The following RALGAPA2 variants were observed in gnomAD, a reference collection of about 807,000 sequenced individuals.
RALGAPA2 encodes the protein Ral GTPase activating protein catalytic subunit alpha 2.
Under a neutral mutation model 230.4 loss-of-function variants are expected in RALGAPA2, and 139 were observed. The ratio of observed to expected loss-of-function variants is 0.60; its 90% CI spans 0.53 to 0.69. RALGAPA2 has a LOEUF of 0.69. Among genes scored for constraint, RALGAPA2 ranks in the 30% least tolerant of loss-of-function variants. The pLI is 0.00. For synonymous variants in RALGAPA2, 847 were observed against 837.8 expected, an observed-to-expected ratio of 1.01 and a Z score of -0.19; for missense variants, 2,163 against 2,276.0, an observed-to-expected ratio of 0.95 and a Z score of 1.01.
chr20:20,436,578 C>A (rs1253236094), intron 37 of RALGAPA2, among the ~76,000 whole-genome samples: 1 of 152,198 alleles, frequency 6.6e-6, no homozygotes, highest in Non-Finnish European at 1.5e-5. Context: ...GGCCAGGACA[C>A]AAAGGCATAG....
chr20:20,647,506 A>G (rs1425640466), intron 4 of RALGAPA2, among the ~76,000 whole-genome samples: 1 of 152,258 alleles, frequency 6.6e-6, no homozygotes, highest in East Asian at 1.9e-4. Context: ...CCTAAACTAT[A>G]GAACTGCTAT....
At chr20:20,512,198 A>C (rs1411166916) in intron 32 of RALGAPA2, among the ~76,000 whole-genome samples, 3 of 150,844 alleles carry the variant, frequency 2.0e-5, no homozygotes, top group Admixed American at 6.6e-5. Context: ...AAAAAACAAA[A>C]AACAAACAAC....
intron 28 of RALGAPA2, among the ~76,000 whole-genome samples, chr20:20,525,472 A>G (rs1241996288): frequency 1.3e-5 from 2 of 152,254 alleles, no homozygotes; most frequent in African/African-American, 4.8e-5. Context: ...CTGAGAGAAC[A>G]AAGTGTTCTT....
At position 20,599,759 on chromosome 20, in the gene RALGAPA2, G is replaced by T. The variant is rs1360320727; in HGVS notation, c.2203+1923C>A. On this transcript the variant is annotated intron_variant, in intron 16 of 39. Transcript: ENST00000202677. Reference sequence around the variant, plus strand: ...AGGCCAAGACAGGCAAATCACCTGAGATCAGGAGTTCAAGACCAGCCTGAC... The same window carrying T: ...AGGCCAAGACAGGCAAATCACCTGATATCAGGAGTTCAAGACCAGCCTGAC... 4.6e-5 allele frequency among the ~76,000 whole-genome samples: 7 copies of T among 152,110 alleles called. No homozygotes were observed. The East Asian group carries it at 1.3e-3, about 29-fold the overall frequency.
At chr20:20,427,147 C>T (rs894426662) in intron 37 of RALGAPA2, among the ~76,000 whole-genome samples, 1 of 152,172 alleles carries the variant, frequency 6.6e-6, no homozygotes, top group African/African-American at 2.4e-5. Flanking sequence ...GACCCAGTTC[C>T]ATCTACTCAC....
At chr20:20,675,563 A>T (rs1327495876) in intron 3 of RALGAPA2, among the ~76,000 whole-genome samples, 1 of 152,212 alleles carries the variant, frequency 6.6e-6, no homozygotes, top group African/African-American at 2.4e-5. Context: ...CCTATAATTC[A>T]GTTCTGAGTG....
chr20:20,427,004 G>A (rs914793940), intron 37 of RALGAPA2, among the ~76,000 whole-genome samples: 6 of 152,194 alleles, frequency 3.9e-5, no homozygotes, highest in African/African-American at 1.4e-4. Flanking sequence ...GTGAGGAAAA[G>A]TGTTCTGTTC....
chr20:20,610,034 T>C (rs1053214084), intron 14 of RALGAPA2, among the ~76,000 whole-genome samples: 2 of 152,236 alleles, frequency 1.3e-5, no homozygotes, highest in African/African-American at 2.4e-5. Context: ...TGTGTTACAA[T>C]GGCAATATTT....
intron 34 of RALGAPA2, chr20:20,505,072 C>T (rs2062492412): frequency 1.0e-6 from 1 of 985,364 alleles, no homozygotes; most frequent in African/African-American, 1.7e-5. Context: ...ACTTCTTCTT[C>T]AATCTCCATA....
rs145876128 is a variant in RALGAPA2 at position 20,413,679 on chromosome 20, G to A, written c.5496-1531C>T. On this transcript the variant is annotated intron_variant, in intron 37 of 39. Coordinates refer to ENST00000202677, the MANE Select transcript of RALGAPA2 (RefSeq NM_020343.4). The stretch of plus-strand genomic sequence containing the variant: ...ACCGTGGAAAGCACTACTGGACAGC[G>A]TGCTGCCAGAATTTCTCCGTAAGTT... Among the ~76,000 whole-genome samples the A allele has an allele frequency of 8.4e-3, 1,272 of 152,312 alleles. 12 individuals carry two copies. The highest frequency in any genetic ancestry group is 0.028 in the African/African-American group (1,180 of 41,546).
intron 27 of RALGAPA2, among the ~76,000 whole-genome samples, chr20:20,529,339 A>G (rs2063310136): frequency 6.6e-6 from 1 of 152,176 alleles, no homozygotes; most frequent in Admixed American, 6.5e-5. Flanking sequence ...GGACAGAGTG[A>G]GAGCTCAATA....
intron 37 of RALGAPA2, among the ~76,000 whole-genome samples, chr20:20,454,516 T>A (rs954981900): frequency 1.3e-5 from 2 of 152,218 alleles, no homozygotes; most frequent in African/African-American, 4.8e-5. Context: ...TAACTTTACG[T>A]TGTATCCTGA....
At chr20:20,489,196 G>A (rs1320601593) in intron 36 of RALGAPA2, among the ~76,000 whole-genome samples, 1 of 152,232 alleles carries the variant, frequency 6.6e-6, no homozygotes. Flanking sequence ...CTACAGCACA[G>A]AGGAAGCAGT....
chr20:20,516,459 T>G (rs1209992210), intron 31 of RALGAPA2, among the ~76,000 whole-genome samples: 4 of 152,202 alleles, frequency 2.6e-5, no homozygotes, highest in African/African-American at 9.7e-5. Context: ...GGAATAACAC[T>G]GCCCAGGAAG....
At position 20,472,839 on chromosome 20, in the gene RALGAPA2, A is replaced by G. The variant is rs2061569297; in HGVS notation, c.5485T>C (p.Tyr1829His). The G allele has an allele frequency of 6.2e-7, 1 of 1,612,752 alleles. No homozygotes were observed. Among genetic ancestry groups the G allele is most frequent in the Non-Finnish European group, 8.5e-7 (1 of 1,179,488 alleles). The change falls in exon 37 of 40, where the codon TAC becomes CAC. Residue 1829 changes from tyrosine to histidine, a missense_variant. Transcript: ENST00000202677. ...AAAGCAAAAAGATACAAGCTCTGGT[A>G]GAGTGGGATGAGGCACTTCACAGCC... is the stretch of plus-strand genomic sequence containing the variant. Reference protein sequence around the residue: ...SRAVKCLIPLYQSFYEERALY... With the variant: ...SRAVKCLIPLHQSFYEERALY...
At chr20:20,396,924 G>A (rs1240237980) in intron 38 of RALGAPA2, among the ~76,000 whole-genome samples, 190 bp from the exon 39 acceptor site, 1 of 152,196 alleles carries the variant, frequency 6.6e-6, no homozygotes, top group Non-Finnish European at 1.5e-5. Flanking sequence ...ACAAGCCGAT[G>A]TCGTGTTTAC....
chr20:20,537,523 G>A (rs2063527960), intron 24 of RALGAPA2, among the ~76,000 whole-genome samples: 1 of 151,584 alleles, frequency 6.6e-6, no homozygotes, highest in African/African-American at 2.4e-5. Flanking sequence ...AGGAGGCTGA[G>A]GCAGGAGCAT....
chr20:20,711,348 T>A (rs2069854937), intron 1 of RALGAPA2, among the ~76,000 whole-genome samples: 1 of 152,222 alleles, frequency 6.6e-6, no homozygotes, highest in Non-Finnish European at 1.5e-5. Context: ...TTTTTGTGAA[T>A]TTTGGGACTA....
In RALGAPA2 at chr20:20,601,768, G is replaced by A; in HGVS notation, c.2117C>T (p.Thr706Ile). 6.2e-7 allele frequency: 1 copy of A among 1,613,814 alleles called. No homozygotes were observed. ...SLSWRSHPDV[T>I]EPMRFRSATT... ...GGCACTCCTAAATCGCATCGGTTCG[G>A]TCACATCTGGGTGGCTCCGCCAGCT... Residue 706 changes from threonine (T) to isoleucine (I), a missense_variant, in exon 16 of 40, where the codon ACC becomes ATC. Coordinates refer to ENST00000202677, the MANE Select transcript of RALGAPA2 (RefSeq NM_020343.4).
Sources: gnomAD v4.1 joint callset for allele counts (sites outside exome capture counted in the v4.1 genomes callset) on GRCh38, gnomAD v4.1.1 for gene constraint, MANE v1.5 for transcripts, NCBI Gene and HGNC (gene_info 2026-07-23, HGNC 2026-07-21) for gene names.